Variants in AIG1 observed in about 807,000 individuals in gnomAD.
AIG1 encodes the protein androgen induced 1.
In AIG1, 23 loss-of-function variants were observed where a neutral mutation model predicts 31.4. That is an observed-to-expected ratio of 0.73 (90% CI 0.53 to 1.04). AIG1 has a LOEUF of 1.04. AIG1 is among the 50% of genes least tolerant of loss of function. The pLI, the probability that AIG1 is intolerant of heterozygous loss-of-function variation, is 0.00. For synonymous variants in AIG1, 100 were observed against 110.5 expected (o/e 0.90, Z 0.60); for missense variants, 274 against 295.0 (o/e 0.93, Z 0.52).
At chr6:143,102,670 A>G (rs756339779) in intron 1 of AIG1, among the ~76,000 whole-genome samples, 5 of 151,182 alleles carry the variant, frequency 3.3e-5, no homozygotes, top group Non-Finnish European at 5.9e-5. Context: ...TTCTAGATAA[A>G]ATAATAGTGG....
intron 3 of AIG1, among the ~76,000 whole-genome samples, chr6:143,233,018 A>T (rs568506754): frequency 6.6e-6 from 1 of 152,184 alleles, no homozygotes; most frequent in Admixed American, 6.5e-5. Context: ...TGGCATGTGC[A>T]TGAAGCAGTC....
intron 3 of AIG1, among the ~76,000 whole-genome samples, chr6:143,239,312 A>G (rs1794046959): frequency 6.6e-6 from 1 of 152,248 alleles, no homozygotes; most frequent in Non-Finnish European, 1.5e-5. Flanking sequence ...AACAGAAGTG[A>G]AAGTCCTCTG....
At chr6:143,342,352 C>A (rs532216809), downstream of AIG1, 3 of 671,680 alleles carry the variant, frequency 4.5e-6, no homozygotes, top group African/African-American at 3.6e-5. Context: ...CTAGCCCCGC[C>A]GCAGCTGCTT....
At chr6:143,212,393 G>T (rs966980518) in intron 3 of AIG1, among the ~76,000 whole-genome samples, 1 of 152,136 alleles carries the variant, frequency 6.6e-6, no homozygotes, top group African/African-American at 2.4e-5. Context: ...CTCCCTGCAG[G>T]ATGGGAAGGA....
At chr6:143,260,402 T>G (rs1032506415) in intron 3 of AIG1, among the ~76,000 whole-genome samples, 1 of 152,212 alleles carries the variant, frequency 6.6e-6, no homozygotes, top group African/African-American at 2.4e-5. Context: ...TGGTGTTTAT[T>G]AAATAATTGG....
intron 1 of AIG1, among the ~76,000 whole-genome samples, chr6:143,130,845 G>C (rs1250233518): frequency 6.6e-6 from 1 of 152,164 alleles, no homozygotes. Flanking sequence ...GTACCCATTA[G>C]TTATTATTCC....
At chr6:143,222,881 T>G (rs992992876) in intron 3 of AIG1, among the ~76,000 whole-genome samples, 1 of 152,240 alleles carries the variant, frequency 6.6e-6, no homozygotes. Context: ...CTGCTGAATT[T>G]GGATACATCT....
intron 2 of AIG1, among the ~76,000 whole-genome samples, chr6:143,144,417 A>G (rs528269558): frequency 1.3e-5 from 2 of 152,282 alleles, no homozygotes; most frequent in South Asian, 2.1e-4. Flanking sequence ...TAAGTAAATT[A>G]AAATAGGGTG....
At chr6:143,105,610 T>C (rs1331030368) in intron 1 of AIG1, among the ~76,000 whole-genome samples, 1 of 152,248 alleles carries the variant, frequency 6.6e-6, no homozygotes, top group Non-Finnish European at 1.5e-5. Context: ...TATCCTTGAA[T>C]TGGCAATATA....
chr6:143,096,234 G>T (rs995552982), intron 1 of AIG1, among the ~76,000 whole-genome samples: 2 of 151,998 alleles, frequency 1.3e-5, no homozygotes, highest in Admixed American at 6.6e-5. Flanking sequence ...TGTTTTCCTG[G>T]TTAAAGTTAC....
At chr6:143,309,054 A>C (rs1466264646) in intron 4 of AIG1, among the ~76,000 whole-genome samples, 1 of 152,038 alleles carries the variant, frequency 6.6e-6, no homozygotes, top group East Asian at 1.9e-4. Context: ...TTTTACTTAT[A>C]GAGAAAGAGG....
intron 1 of AIG1, among the ~76,000 whole-genome samples, chr6:143,062,057 G>A (rs1776307279): frequency 1.3e-5 from 2 of 152,158 alleles, no homozygotes; most frequent in Admixed American, 1.3e-4. Flanking sequence ...CTATACAGTT[G>A]GTTGGCTACA....
chr6:143,266,018 G>A (rs1796126110), intron 3 of AIG1, among the ~76,000 whole-genome samples: 1 of 152,156 alleles, frequency 6.6e-6, no homozygotes, highest in South Asian at 2.1e-4. Flanking sequence ...CTTATCTGTA[G>A]TGTTTCACAG....
chr6:143,315,292 C>T (rs2128710722), intron 4 of AIG1, among the ~76,000 whole-genome samples: 1 of 152,154 alleles, frequency 6.6e-6, no homozygotes, highest in Middle Eastern at 3.4e-3. Flanking sequence ...CCAAAAATCC[C>T]AGTAAGTTAT....
intron 2 of AIG1, among the ~76,000 whole-genome samples, chr6:143,160,528 A>C (rs1038679505): frequency 2.6e-5 from 4 of 152,224 alleles, no homozygotes; most frequent in African/African-American, 9.6e-5. Context: ...GTTTAAGTAC[A>C]GTATTCTGTT....
intron 4 of AIG1, among the ~76,000 whole-genome samples, chr6:143,314,040 C>T (rs370489208): frequency 6.6e-6 from 1 of 151,518 alleles, no homozygotes; most frequent in African/African-American, 2.4e-5. Flanking sequence ...AATGTAAATA[C>T]AAACTGGGAA....
intron 3 of AIG1, among the ~76,000 whole-genome samples, chr6:143,228,448 G>T (rs933731258): frequency 6.6e-6 from 1 of 152,194 alleles, no homozygotes; most frequent in African/African-American, 2.4e-5. Flanking sequence ...CCCTCTGCAG[G>T]ACTGTGTGTG....
At chr6:143,223,124 A>G (rs562758449) in intron 3 of AIG1, among the ~76,000 whole-genome samples, 1 of 152,348 alleles carries the variant, frequency 6.6e-6, no homozygotes, top group African/African-American at 2.4e-5. Flanking sequence ...AAAAAGGCAG[A>G]AGCCAGCCAG....
At chr6:143,266,410 G>A (rs1045466118) in intron 3 of AIG1, among the ~76,000 whole-genome samples, 13 of 150,052 alleles carry the variant, frequency 8.7e-5, no homozygotes, top group African/African-American at 2.0e-4. Context: ...AATGGAAATC[G>A]CCTGAGATCA....
Sources: allele counts gnomAD v4.1 joint callset (sites outside exome capture counted in the v4.1 genomes callset), GRCh38; gene constraint gnomAD v4.1.1; transcripts MANE v1.5; gene names NCBI Gene and HGNC (gene_info 2026-07-23, HGNC 2026-07-21).